Variants in LHX6 observed in about 807,000 individuals in gnomAD.
The protein encoded by LHX6 is LIM/homeobox protein Lhx6.
In LHX6, 15 loss-of-function variants were observed where a neutral mutation model predicts 47.1. The ratio of observed to expected loss-of-function variants is 0.32; its 90% CI spans 0.21 to 0.49. The LOEUF (loss-of-function observed/expected upper bound fraction) is 0.49, where lower values mean the gene tolerates loss of function less well. LHX6 is among the 20% of genes least tolerant of loss of function. The probability of loss-of-function intolerance (pLI) is 0.99; values close to 1 mark genes in which losing one functional copy is unlikely to be tolerated. For synonymous variants in LHX6, 242 were observed against 233.5 expected, an observed-to-expected ratio of 1.04 and a Z score of -0.33; for missense variants, 404 against 539.6, an observed-to-expected ratio of 0.75 and a Z score of 2.49.
chr9:122,204,818 G>A, intron 9 of LHX6, 38 bp from the exon 10 acceptor site: 1 of 1,474,846 alleles, frequency 6.8e-7, no homozygotes. Context: ...TGAGCTGGGG[G>A]CCTGCCCCAC....
At position 122,228,693 on chromosome 9, in the gene LHX6, G is replaced by A; in HGVS notation, c.48C>T (p.Cys16=). 1 of 1,292,778 alleles carries A rather than the reference G, an allele frequency of 7.7e-7. No individual in the cohort carries two copies. The highest frequency in any genetic ancestry group is 4.0e-5 in the Admixed American group (1 of 24,718). The allele number at this position is 1,292,778 out of a possible 1,614,324, so 80.1% of individuals were successfully genotyped here. A position where few individuals can be genotyped will look rare whatever the true frequency, so the allele number is the denominator to read the frequency against. The change falls in exon 1 of 10, where the codon TGC becomes TGT. Residue 16 remains cysteine, a synonymous_variant. Coordinates refer to ENST00000394319, the MANE Select transcript of LHX6 (RefSeq NM_014368.5). ...ENAAPALPEG[C]RLPAEGGPAT... ...CGGGGCCGCCCTCGGCCGGCAGCCG[G>A]CAGCCCTCGGGCAACGCCGGGGCGG... is the stretch of plus-strand genomic sequence containing the variant.
At position 122,213,866 on chromosome 9, in the gene LHX6, C is replaced by G. The variant is rs1460819372; in HGVS notation, c.880-86G>C. On this transcript the variant is annotated intron_variant, in intron 7 of 9. Coordinates refer to ENST00000394319, the MANE Select transcript of LHX6 (RefSeq NM_014368.5). This position sits in a 1 kb window ranked among gnomAD's most constrained non-coding sequence, Gnocchi z 5.5. ...GACCCCAGGCGGGACTGCCTCGTCGCCTCCTGGAGAAGGATGGCCACGTGC... is the reference window on the plus strand; with the variant it reads ...GACCCCAGGCGGGACTGCCTCGTCGGCTCCTGGAGAAGGATGGCCACGTGC... 1 of 1,523,956 alleles carries G rather than the reference C, an allele frequency of 6.6e-7. No homozygotes were observed. The allele number at this position is 1,523,956 out of a possible 1,614,324, so 94.4% of individuals were successfully genotyped here. A position where few individuals can be genotyped will look rare whatever the true frequency, so the allele number is the denominator to read the frequency against.
chr9:122,216,857 G>T (rs755173816), intron 5 of LHX6, among the ~76,000 whole-genome samples: 19 of 152,226 alleles, frequency 1.2e-4, no homozygotes, highest in Non-Finnish European at 2.5e-4. Flanking sequence ...AGGAAACATA[G>T]TTACAAAGGA....
chr9:122,222,186 G>T (rs1345992062), intron 4 of LHX6, among the ~76,000 whole-genome samples: 1 of 152,226 alleles, frequency 6.6e-6, no homozygotes, highest in Non-Finnish European at 1.5e-5. Flanking sequence ...CAGCAGGCTG[G>T]GGGAGCCAGG....
At chr9:122,205,404 G>A (rs949426039) in intron 9 of LHX6, among the ~76,000 whole-genome samples, 4 of 152,170 alleles carry the variant, frequency 2.6e-5, no homozygotes, top group Non-Finnish European at 5.9e-5. Context: ...CTGGGTGCCC[G>A]ATACACAGTG....
chr9:122,209,066 G>T (rs920214694), intron 9 of LHX6, among the ~76,000 whole-genome samples: 1 of 152,160 alleles, frequency 6.6e-6, no homozygotes, highest in East Asian at 1.9e-4. Flanking sequence ...TAAACAAAGG[G>T]TTGCATTGCT....
intron 9 of LHX6, among the ~76,000 whole-genome samples, chr9:122,207,594 C>A (rs1215741758): frequency 6.6e-6 from 1 of 152,154 alleles, no homozygotes; most frequent in Non-Finnish European, 1.5e-5. Context: ...CTGGGGCATG[C>A]TCACTCACTA....
In LHX6 at chr9:122,213,449, C is replaced by T. The variant is rs1830465987; in HGVS notation, c.1054+157G>A. Among the ~76,000 whole-genome samples, 1 of 152,166 alleles carries T rather than the reference C, an allele frequency of 6.6e-6. No homozygotes were observed. Among genetic ancestry groups the T allele is most frequent in the Non-Finnish European group, 1.5e-5 (1 of 68,026 alleles). On this transcript the variant is annotated intron_variant, in intron 8 of 9. Coordinates refer to ENST00000394319, the MANE Select transcript of LHX6 (RefSeq NM_014368.5). This position sits in a 1 kb window ranked among gnomAD's most constrained non-coding sequence, Gnocchi z 5.5. Reference sequence around the variant, plus strand: ...AGAGCCGAAGATTTGACCCTTCTTCCCCCAACTCCTAGATCCAAATGACTT... The same window carrying T: ...AGAGCCGAAGATTTGACCCTTCTTCTCCCAACTCCTAGATCCAAATGACTT...
chr9:122,211,434 G>A (rs1002453519), intron 8 of LHX6, among the ~76,000 whole-genome samples: 4 of 152,188 alleles, frequency 2.6e-5, no homozygotes, highest in African/African-American at 7.2e-5. Context: ...GAAGCCTCCA[G>A]GAAACTCAGT....
At position 122,204,311 on chromosome 9, in the gene LHX6, G is replaced by A. The variant is rs1289323918; in HGVS notation, c.*449C>T. ...GAGTTTTCCAGACAAAAGCAACAGA[G>A]TGGATAACATTGGGGGTTGTCAGCT... On this transcript the variant is annotated 3_prime_UTR_variant, in exon 10 of 10. Coordinates refer to ENST00000394319, the MANE Select transcript of LHX6 (RefSeq NM_014368.5). The A allele has an allele frequency of 5.2e-6, 1 of 190,974 alleles. No individual in the cohort carries two copies. The highest frequency in any genetic ancestry group is 1.1e-5 in the Non-Finnish European group (1 of 93,656). The allele number at this position is 190,974 out of a possible 1,614,324, so 11.8% of individuals were successfully genotyped here.
At chr9:122,222,810 G>A (rs889429180) in intron 4 of LHX6, among the ~76,000 whole-genome samples, 1 of 152,216 alleles carries the variant, frequency 6.6e-6, no homozygotes, top group Admixed American at 6.5e-5. Context: ...AGAGGTTAGA[G>A]GACCATGGGA....
At chr9:122,221,858 G>C (rs1830876425) in intron 4 of LHX6, 3 of 291,672 alleles carry the variant, frequency 1.0e-5, no homozygotes, top group African/African-American at 6.8e-5. Context: ...GAGTATGGGG[G>C]TGTTTAGGGG....
intron 9 of LHX6, among the ~76,000 whole-genome samples, chr9:122,208,488 C>G (rs1830271852): frequency 6.6e-6 from 1 of 152,174 alleles, no homozygotes; most frequent in Non-Finnish European, 1.5e-5. Context: ...ATGCTGGGCA[C>G]AGACAAGACA....
chr9:122,222,986 C>T (rs868538266), intron 4 of LHX6, among the ~76,000 whole-genome samples: 2 of 152,274 alleles, frequency 1.3e-5, no homozygotes, highest in Middle Eastern at 3.4e-3. Context: ...GCATGTGACC[C>T]CTCCCTGGGC....
At chr9:122,219,551 C>G (rs1462330467) in intron 4 of LHX6, among the ~76,000 whole-genome samples, 2 of 152,222 alleles carry the variant, frequency 1.3e-5, no homozygotes, top group African/African-American at 2.4e-5. Flanking sequence ...TGAGGGGAGG[C>G]TGGCTTCCGA....
intron 4 of LHX6, among the ~76,000 whole-genome samples, chr9:122,219,843 TC>T (rs1830764679): frequency 6.6e-6 from 1 of 152,188 alleles, no homozygotes; most frequent in Admixed American, 6.5e-5. Flanking sequence ...AAAGCTGGAA[TC>T]CCGCATGGAT....
chr9:122,228,777 C>T lies in LHX6; in HGVS notation c.-37G>A. ...CCTCGGGCTCAGCGGGCGCGCAGCG[C>T]GGAGAGCTGCGCCGAGGGGGACCAC... On this transcript the variant is annotated 5_prime_UTR_variant, in exon 1 of 10. Transcript: ENST00000394319. 8.2e-7 allele frequency: 1 copy of T among 1,219,530 alleles called. No homozygotes were observed. The highest frequency in any genetic ancestry group is 3.3e-5 in the East Asian group (1 of 30,372). The allele number at this position is 1,219,530 out of a possible 1,614,324, so 75.5% of individuals were successfully genotyped here. A position where few individuals can be genotyped will look rare whatever the true frequency, so the allele number is the denominator to read the frequency against.
At chr9:122,219,156 G>C (rs1830717721) in intron 4 of LHX6, among the ~76,000 whole-genome samples, 1 of 152,194 alleles carries the variant, frequency 6.6e-6, no homozygotes, top group African/African-American at 2.4e-5. Context: ...TCAAGCAACT[G>C]TCAGTTGAAA....
intron 2 of LHX6, 49 bp downstream of exon 2, chr9:122,227,360 C>T: frequency 6.9e-7 from 1 of 1,459,184 alleles, no homozygotes; most frequent in Non-Finnish European, 9.1e-7. Flanking sequence ...GTCCCCAGGG[C>T]CGGGCCGCTG....
Sources: allele counts gnomAD v4.1 joint callset (sites outside exome capture counted in the v4.1 genomes callset), GRCh38; gene constraint gnomAD v4.1.1; non-coding constraint Gnocchi (gnomAD v3.1); transcripts MANE v1.5; gene names NCBI Gene and HGNC (gene_info 2026-07-23, HGNC 2026-07-21).